Variants in TASP1 observed in about 807,000 individuals in gnomAD.
TASP1 encodes threonine aspartase 1.
A neutral mutation model predicts 56.6 loss-of-function variants in TASP1; 16 were observed. That is an observed-to-expected ratio of 0.28 (90% CI 0.19 to 0.43). TASP1 has a LOEUF of 0.43. Ranked by LOEUF, TASP1 falls within the 20% of genes least tolerant of loss-of-function variation. The pLI is 1.00. For synonymous variants in TASP1, 179 were observed against 184.2 expected (o/e 0.97, Z 0.23); for missense variants, 393 against 511.6 (o/e 0.77, Z 2.24).
the TASP1 span, among the ~76,000 whole-genome samples, chr20:13,382,883 G>A: frequency 9.5e-4 from 144 of 152,274 alleles, no homozygotes; most frequent in African/African-American, 3.4e-3. Flanking sequence ...AGCAAAAAAG[G>A]AATGCAAAAT....
the TASP1 span, among the ~76,000 whole-genome samples, chr20:13,332,847 A>C: frequency 1.3e-5 from 2 of 152,178 alleles, no homozygotes; most frequent in Non-Finnish European, 2.9e-5. Context: ...GTGTGAACGG[A>C]AAGTTTGGCC....
At chr20:13,596,364 A>C (rs1297857411) in intron 4 of TASP1, among the ~76,000 whole-genome samples, 4 of 124,912 alleles carry the variant, frequency 3.2e-5, no homozygotes, top group Admixed American at 3.0e-4. Flanking sequence ...AACAAGAGTG[A>C]AACTCGTAAA....
At chr20:13,526,742 CAG>C (rs1217169902) in intron 10 of TASP1, among the ~76,000 whole-genome samples, 3 of 151,960 alleles carry the variant, frequency 2.0e-5, no homozygotes, top group Non-Finnish European at 2.9e-5. Context: ...TCTGAAAGAA[CAG>C]AGTCAGGAAA....
chr20:13,603,082 G>C (rs2048022069), intron 4 of TASP1, among the ~76,000 whole-genome samples: 1 of 151,814 alleles, frequency 6.6e-6, no homozygotes, highest in African/African-American at 2.4e-5. Flanking sequence ...AATACAAAAA[G>C]CAGCTGGGCA....
At chr20:13,105,381 A>T in the TASP1 span, among the ~76,000 whole-genome samples, 1 of 152,198 alleles carries the variant, frequency 6.6e-6, no homozygotes, top group African/African-American at 2.4e-5. Flanking sequence ...ATTCAAGTCA[A>T]ACACAACGAA....
At chr20:13,229,553 T>C in the TASP1 span, among the ~76,000 whole-genome samples, 2 of 152,224 alleles carry the variant, frequency 1.3e-5, no homozygotes, top group East Asian at 1.9e-4. Flanking sequence ...CTATCACAAT[T>C]TGTATATCCC....
chr20:13,528,584 T>C (rs920031585), intron 9 of TASP1, 73 bp from the exon 10 acceptor site: 2 of 1,294,838 alleles, frequency 1.5e-6, no homozygotes, highest in Non-Finnish European at 1.1e-6. Context: ...ACAGAAATCA[T>C]ACCCTCTAAT....
At chr20:13,318,199 G>A in the TASP1 span, among the ~76,000 whole-genome samples, 1 of 148,884 alleles carries the variant, frequency 6.7e-6, no homozygotes, top group Non-Finnish European at 1.5e-5. Context: ...CTTCACCAAA[G>A]AAGATATACA....
intron 6 of TASP1, among the ~76,000 whole-genome samples, chr20:13,577,908 T>C (rs1167562841): frequency 6.6e-6 from 1 of 152,232 alleles, no homozygotes; most frequent in Non-Finnish European, 1.5e-5. Flanking sequence ...AAACAGTTTA[T>C]TTAGCCATTG....
At chr20:13,371,256 G>A in the TASP1 span, among the ~76,000 whole-genome samples, 1 of 151,962 alleles carries the variant, frequency 6.6e-6, no homozygotes, top group Non-Finnish European at 1.5e-5. Flanking sequence ...TAGAATGTTT[G>A]GTTGTTGATA....
At chr20:13,205,579 C>T in the TASP1 span, among the ~76,000 whole-genome samples, 19 of 152,280 alleles carry the variant, frequency 1.2e-4, no homozygotes, top group South Asian at 2.1e-4. Flanking sequence ...TCTATCCTCA[C>T]GTGGTGGACA....
chr20:13,121,040 T>C, the TASP1 span, among the ~76,000 whole-genome samples: 1 of 152,240 alleles, frequency 6.6e-6, no homozygotes. Context: ...CCTAAGCTGA[T>C]GGGACTAGGT....
chr20:13,425,187 CA>C (rs2042577365), intron 12 of TASP1, among the ~76,000 whole-genome samples: 1 of 152,176 alleles, frequency 6.6e-6, no homozygotes, highest in Non-Finnish European at 1.5e-5. Context: ...CTATATAAAG[CA>C]GCCCTTAATC....
At chr20:13,513,710 T>C (rs981719868) in intron 10 of TASP1, among the ~76,000 whole-genome samples, 5 of 152,120 alleles carry the variant, frequency 3.3e-5, no homozygotes, top group African/African-American at 7.2e-5. Flanking sequence ...GCAATTCCCA[T>C]AGTGAGTGGC....
the TASP1 span, chr20:13,270,376 G>T: frequency 1.9e-6 from 2 of 1,035,852 alleles, no homozygotes; most frequent in Non-Finnish European, 2.7e-6. Flanking sequence ...AAACAAGTTT[G>T]GAATGCCCTA....
At chr20:13,434,736 T>A (rs1412576256) in intron 12 of TASP1, among the ~76,000 whole-genome samples, 1 of 152,188 alleles carries the variant, frequency 6.6e-6, no homozygotes, top group Non-Finnish European at 1.5e-5. Flanking sequence ...ATGGGTCACC[T>A]CAAATGCTTT....
chr20:13,566,991 G>A (rs2046552586), intron 7 of TASP1, among the ~76,000 whole-genome samples: 5 of 152,150 alleles, frequency 3.3e-5, no homozygotes. Context: ...GTTCACTGCA[G>A]CACTATTCAC....
At chr20:13,634,050 A>C (rs1309711914) in intron 1 of TASP1, among the ~76,000 whole-genome samples, 1 of 152,210 alleles carries the variant, frequency 6.6e-6, no homozygotes, top group Non-Finnish European at 1.5e-5. Flanking sequence ...CTAGGTATAT[A>C]CCCAAGAGAA....
the TASP1 span, among the ~76,000 whole-genome samples, chr20:13,228,633 A>G: frequency 6.6e-6 from 1 of 152,068 alleles, no homozygotes; most frequent in Admixed American, 6.6e-5. Flanking sequence ...TCAGGGCTTT[A>G]GCTGTTAGTC....
Sources: gnomAD v4.1 joint callset for allele counts (sites outside exome capture counted in the v4.1 genomes callset) on GRCh38, gnomAD v4.1.1 for gene constraint, MANE v1.5 for transcripts, NCBI Gene and HGNC (gene_info 2026-07-23, HGNC 2026-07-21) for gene names.